LRRC1: variants seen among roughly 807,000 people sequenced by gnomAD.
LRRC1 encodes the protein leucine rich repeat containing 1, also known as leucine-rich repeat-containing protein 1.
LRRC1 carries 28 observed loss-of-function variants against 69.9 expected under a neutral mutation model. That is an observed-to-expected ratio of 0.40 (90% CI 0.30 to 0.55). The LOEUF is 0.55. LRRC1 is among the 20% of genes least tolerant of loss of function. LRRC1 has a pLI of 0.47. For missense variants in LRRC1, 498 were observed against 609.0 expected (o/e 0.82, Z 1.92); for synonymous variants, 236 against 240.2 (o/e 0.98, Z 0.16).
chr6:53,813,152 A>G (rs1403230387), intron 1 of LRRC1, among the ~76,000 whole-genome samples: 1 of 152,168 alleles, frequency 6.6e-6, no homozygotes, highest in Admixed American at 6.5e-5. Context: ...ACAGCAGCAT[A>G]GTGGATTGTG....
intron 2 of LRRC1, among the ~76,000 whole-genome samples, chr6:53,868,499 T>C (rs974849065): frequency 1.3e-5 from 2 of 152,196 alleles, no homozygotes; most frequent in African/African-American, 4.8e-5. Context: ...GTGCAGGTAT[T>C]ACAGACGTGA....
intron 4 of LRRC1, among the ~76,000 whole-genome samples, chr6:53,889,155 A>G (rs935226957): frequency 6.6e-6 from 1 of 152,204 alleles, no homozygotes; most frequent in Non-Finnish European, 1.5e-5. Context: ...CCACAATGAG[A>G]TGCTACTTTA....
intron 1 of LRRC1, among the ~76,000 whole-genome samples, chr6:53,835,898 C>G (rs926141053): frequency 2.0e-5 from 3 of 152,116 alleles, no homozygotes; most frequent in Non-Finnish European, 4.4e-5. Context: ...TTTGCCATTC[C>G]TTCCATCTAT....
intron 2 of LRRC1, among the ~76,000 whole-genome samples, chr6:53,874,968 A>T (rs1230813223): frequency 6.6e-6 from 1 of 152,242 alleles, no homozygotes; most frequent in Non-Finnish European, 1.5e-5. Context: ...TCATAAAAAG[A>T]ATACAAAATA....
chr6:53,801,549 G>A (rs181675222), intron 1 of LRRC1, among the ~76,000 whole-genome samples: 2 of 151,920 alleles, frequency 1.3e-5, no homozygotes, highest in African/African-American at 4.9e-5. Flanking sequence ...GGAAACAGTT[G>A]TCATTTCTCA....
chr6:53,873,313 A>T (rs1033471506), intron 2 of LRRC1, among the ~76,000 whole-genome samples: 1 of 145,140 alleles, frequency 6.9e-6, no homozygotes, highest in Admixed American at 7.0e-5. Context: ...TTTAATTGAG[A>T]CAGAGTCTCA....
At chr6:53,827,618 A>G (rs546862478) in intron 1 of LRRC1, among the ~76,000 whole-genome samples, 28 of 152,266 alleles carry the variant, frequency 1.8e-4, no homozygotes, top group Non-Finnish European at 3.8e-4. Context: ...TGAATAGTGA[A>G]TGATTCACTG....
chr6:53,909,152 G>A (rs534609476), intron 10 of LRRC1, among the ~76,000 whole-genome samples: 3 of 152,232 alleles, frequency 2.0e-5, no homozygotes, highest in South Asian at 4.1e-4. Flanking sequence ...TGTCCACAGA[G>A]GCAGCTAACA....
In LRRC1 at chr6:53,795,157, G is replaced by C; in HGVS notation, c.-100G>C. On this transcript the variant is annotated 5_prime_UTR_variant, in exon 1 of 14. Transcript: ENST00000370888. ...GCTAACCCAAGAGCCAACAACGAGC[G>C]CGGAGAGGGCAGCGGACTGAGCGGA... is the stretch of plus-strand genomic sequence containing the variant. 4.7e-6 allele frequency: 5 copies of C among 1,061,466 alleles called. No homozygotes were observed. In the South Asian group the frequency reaches 6.6e-5, roughly 14 times the overall value. 65.8% of individuals were successfully genotyped at this position (1,061,466 alleles called of 1,614,324 possible). A position where few individuals can be genotyped will look rare whatever the true frequency, so the allele number is the denominator to read the frequency against.
At chr6:53,802,795 G>A (rs56044016) in intron 1 of LRRC1, among the ~76,000 whole-genome samples, 3,394 of 152,272 alleles carry the variant, frequency 0.022, 138 homozygotes, top group African/African-American at 0.078. Context: ...TGCTGGAGTA[G>A]AGGATGCTTT....
chr6:53,897,443 T>G, intron 7 of LRRC1, 84 bp downstream of exon 7: 1 of 1,020,030 alleles, frequency 9.8e-7, no homozygotes, highest in East Asian at 2.6e-5. Flanking sequence ...ACATAAGGTT[T>G]GCTATAAAAG....
At chr6:53,905,642 T>C (rs1768210443) in intron 10 of LRRC1, among the ~76,000 whole-genome samples, 1 of 152,146 alleles carries the variant, frequency 6.6e-6, no homozygotes, top group African/African-American at 2.4e-5. Context: ...ACATGTGGCG[T>C]TCTTGTTTTC....
rs144455313 is a variant in LRRC1, at chr6:53,909,101, A to G, written c.990+4639A>G. 2.2e-3 allele frequency among the ~76,000 whole-genome samples: 332 copies of G among 152,384 alleles called. 2 individuals are homozygous for G. Among genetic ancestry groups the G allele is most frequent in the African/African-American group, 7.6e-3 (317 of 41,596 alleles). ...TATACACTAAGAATGATGTACAAGAACATTTCTCACATTATACATGGGAGC... is the reference window on the plus strand; with the variant it reads ...TATACACTAAGAATGATGTACAAGAGCATTTCTCACATTATACATGGGAGC... On this transcript the variant is annotated intron_variant, in intron 10 of 13. Transcript: ENST00000370888.
intron 1 of LRRC1, among the ~76,000 whole-genome samples, chr6:53,812,639 G>A (rs569656910): frequency 1.2e-3 from 169 of 140,880 alleles, no homozygotes; most frequent in Non-Finnish European, 1.8e-3. Flanking sequence ...GCAGTGAGCC[G>A]AGATCGCGCC....
intron 1 of LRRC1, among the ~76,000 whole-genome samples, chr6:53,814,715 A>G (rs1764900973): frequency 6.6e-6 from 1 of 152,202 alleles, no homozygotes; most frequent in Admixed American, 6.5e-5. Context: ...ATTTTCAGAC[A>G]TTTCAGTTAG....
rs532470325 is a variant in LRRC1 at position 53,857,367 on chromosome 6, G to A, written c.277+15140G>A. On this transcript the variant is annotated intron_variant, in intron 2 of 13. Coordinates refer to ENST00000370888, the MANE Select transcript of LRRC1 (RefSeq NM_018214.5). ...TAGTGTGGGAGCCAAGCAACAGAAC[G>A]ACAGAGCAGAGGTCATCACTTTAAA... Among the ~76,000 whole-genome samples the A allele has an allele frequency of 1.4e-4, 22 of 152,306 alleles. No homozygotes were observed. In the East Asian group the frequency reaches 2.7e-3, roughly 19 times the overall value.
Position 53,900,034 on chromosome 6 carries a change from T to TGG in LRRC1, c.787+143_787+144insGG. ...GTCTCCTTACTGTTTTTTTTTTTTT[T>TGG]TTTTTTTTTTTTTTTTTTTCTGAGA... On this transcript the variant is annotated intron_variant, in intron 8 of 13. Coordinates refer to ENST00000370888, the MANE Select transcript of LRRC1 (RefSeq NM_018214.5). 1.2e-5 allele frequency: 6 copies of TGG among 497,914 alleles called. No homozygotes were observed. The South Asian group carries it at 1.5e-4, about 13-fold the overall frequency. 30.8% of individuals were successfully genotyped at this position (497,914 alleles called of 1,614,324 possible). A position where few individuals can be genotyped will look rare whatever the true frequency, so the allele number is the denominator to read the frequency against.
chr6:53,796,043 G>C (rs372266570), intron 1 of LRRC1, among the ~76,000 whole-genome samples: 93 of 152,372 alleles, frequency 6.1e-4, no homozygotes, highest in Middle Eastern at 3.4e-3. Flanking sequence ...GCTAGGGGCA[G>C]GTGCCCAGAT....
intron 4 of LRRC1, among the ~76,000 whole-genome samples, chr6:53,893,040 A>G (rs1767755005): frequency 6.6e-6 from 1 of 152,206 alleles, no homozygotes; most frequent in Non-Finnish European, 1.5e-5. Flanking sequence ...CTGTCCTTCA[A>G]GGAGTTTTTT....
Sources: allele counts gnomAD v4.1 joint callset (sites outside exome capture counted in the v4.1 genomes callset), GRCh38; gene constraint gnomAD v4.1.1; transcripts MANE v1.5; gene names NCBI Gene and HGNC (gene_info 2026-07-23, HGNC 2026-07-21).